The following ZNF691 variants were observed in gnomAD, a reference collection of about 807,000 sequenced individuals.
ZNF691 encodes zinc finger protein 691.
A neutral mutation model predicts 24.1 loss-of-function variants in ZNF691; 11 were observed. That is an observed-to-expected ratio of 0.46 (90% CI 0.29 to 0.75). The LOEUF (loss-of-function observed/expected upper bound fraction) is 0.75. Ranked by LOEUF, ZNF691 falls within the 30% of genes least tolerant of loss-of-function variation. The pLI is 0.11. For missense variants in ZNF691, 356 were observed against 409.0 expected, an observed-to-expected ratio of 0.87 and a Z score of 1.12; for synonymous variants, 149 against 153.9, an observed-to-expected ratio of 0.97 and a Z score of 0.23.
rs928794850 is a variant in ZNF691 at position 42,851,103 on chromosome 1, C to G, written c.238C>G (p.Leu80Val). ...TGGGCAAGAGAGCCTGTCGGATGAA[C>G]TGCAAGAAACTCATCCAAAAAAGCC... The part of the protein sequence containing the change: ...EHGQESLSDE[L>V]QETHPKKPWQ... Residue 80 changes from leucine to valine, a missense_variant, in exon 4 of 4, where the codon CTG becomes GTG. Physicochemically the swap from Leu to Val is conservative, Grantham distance 32 (BLOSUM62 1). Coordinates refer to ENST00000651192, the MANE Select transcript of ZNF691 (RefSeq NM_001242739.2). This position sits in a 1 kb window ranked among gnomAD's most constrained non-coding sequence, Gnocchi z 4.7. The G allele has an allele frequency of 6.2e-7, 1 of 1,612,848 alleles. No homozygotes were observed.
At position 42,849,678 on chromosome 1, in the gene ZNF691, C is replaced by A. The variant is rs1184026170; in HGVS notation, c.20C>A (p.Thr7Asn). MSLCSPTHSAEMSLFLQ... is the reference protein window; with the variant it reads MSLCSPNHSAEMSLFLQ... ...TTGTTCATGTCACTCTGTTCACCAA[C>A]CCACTCTGCTGAAATGTCGTTATTT... Residue 7 changes from threonine (T) to asparagine (N), a missense_variant, in exon 3 of 4, where the codon ACC becomes AAC. Coordinates refer to ENST00000651192, the MANE Select transcript of ZNF691 (RefSeq NM_001242739.2). 3 of 1,551,218 alleles carry A rather than the reference C, an allele frequency of 1.9e-6. No homozygotes were observed. The Admixed American group carries it at 5.9e-5, about 30-fold the overall frequency.
rs1236469675 is a variant in ZNF691, at chr1:42,850,697, TATC to T, written c.85-249_85-247del. 8.4e-6 allele frequency: 13 copies of T among 1,550,498 alleles called. No homozygotes were observed. In the East Asian group the frequency reaches 2.7e-4, roughly 32 times the overall value. On this transcript the variant is annotated intron_variant, in intron 3 of 3. Coordinates refer to ENST00000651192, the MANE Select transcript of ZNF691 (RefSeq NM_001242739.2). ...AGTGACATTATTCAAATGGCACAAA[TATC>T]ATCTGGTGGTGGTGGACAAAGCCGG... is the stretch of plus-strand genomic sequence containing the variant.
Position 42,851,132 on chromosome 1 carries a change from G to A in ZNF691, c.267G>A (p.Trp89Ter). ...ELQETHPKKP[W>*]QKVTVRAREL... ...AAGAAACTCATCCAAAAAAGCCATG[G>A]CAGAAAGTCACTGTCCGGGCTCGAG... is the stretch of plus-strand genomic sequence containing the variant. The change falls in exon 4 of 4, where the codon TGG becomes TGA. Residue 89 changes from tryptophan to a stop codon, truncating the protein, a stop_gained. Coordinates refer to ENST00000651192, the MANE Select transcript of ZNF691 (RefSeq NM_001242739.2). LOFTEE classifies it high-confidence loss of function. This position sits in a 1 kb window ranked among gnomAD's most constrained non-coding sequence, Gnocchi z 4.7. The A allele has an allele frequency of 1.2e-6, 2 of 1,614,048 alleles. No individual in the cohort carries two copies. Among genetic ancestry groups the A allele is most frequent in the Non-Finnish European group, 1.7e-6 (2 of 1,179,946 alleles).
intron 3 of ZNF691, 138 bp from the exon 4 acceptor site, chr1:42,850,812 G>A (rs1365758757): frequency 6.4e-7 from 1 of 1,551,124 alleles, no homozygotes; most frequent in East Asian, 2.4e-5. Flanking sequence ...TTCTATCCAA[G>A]TATTCCAGTT....
In ZNF691 at chr1:42,846,665, C is replaced by A. The variant is rs1395151113; in HGVS notation, c.-218+8C>A. 6.6e-6 allele frequency: 1 copy of A among 152,410 alleles called. No homozygotes were observed. The highest frequency in any genetic ancestry group is 1.5e-5 in the Non-Finnish European group (1 of 68,206). 9.4% of individuals were successfully genotyped at this position (152,410 alleles called of 1,614,324 possible). On this transcript the variant is annotated splice_region_variant and intron_variant, in intron 1 of 3. Transcript: ENST00000651192. ...TCGAGCGGCGGGAGCGAGGTGGGTC[C>A]GGGTTGGGCCCGAGGTCGCGGGGGG... is the stretch of plus-strand genomic sequence containing the variant.
At position 42,849,730 on chromosome 1, in the gene ZNF691, A is replaced by G; in HGVS notation, c.72A>G (p.Pro24=). Reference sequence around the variant, plus strand: ...TTCAAGGCCCGGAGGAAATGCTACCACTCTCATCAGAGGTACTTTTCCCCC... The same window carrying G: ...TTCAAGGCCCGGAGGAAATGCTACCGCTCTCATCAGAGGTACTTTTCCCCC... The part of the protein sequence containing the change: ...LFLQGPEEML[P]LSSEGSEMGS... The change falls in exon 3 of 4, where the codon CCA becomes CCG. Residue 24 remains proline (P), a synonymous_variant. Coordinates refer to ENST00000651192, the MANE Select transcript of ZNF691 (RefSeq NM_001242739.2). The G allele has an allele frequency of 6.4e-7, 1 of 1,550,800 alleles. No homozygotes were observed. The highest frequency in any genetic ancestry group is 8.7e-7 in the Non-Finnish European group (1 of 1,146,968).
At position 42,851,612 on chromosome 1, in the gene ZNF691, C is replaced by G; in HGVS notation, c.747C>G (p.His249Gln). 1 of 1,614,168 alleles carries G rather than the reference C, an allele frequency of 6.2e-7. No homozygotes were observed. Among genetic ancestry groups the G allele is most frequent in the Non-Finnish European group, 8.5e-7 (1 of 1,180,032 alleles). Reference sequence around the variant, plus strand: ...GCTTTGGCGTGCATCACCGCACCCACACAGGTGAGAGACCTTATGAGTGCA... The same window carrying G: ...GCTTTGGCGTGCATCACCGCACCCAGACAGGTGAGAGACCTTATGAGTGCA... ...SSSFGVHHRT[H>Q]TGERPYECTE... is the part of the protein sequence containing the mutation. Residue 249 changes from histidine to glutamine, a missense_variant, in exon 4 of 4, where the codon CAC (histidine) becomes CAG (glutamine). His to Gln is a conservative substitution (Grantham distance 24). Transcript: ENST00000651192. This position sits in a 1 kb window ranked among gnomAD's most constrained non-coding sequence, Gnocchi z 4.7.
rs757090838 is a variant in ZNF691, at chr1:42,851,605, G to A, written c.740G>A (p.Arg247His). Residue 247 changes from arginine to histidine, a missense_variant, in exon 4 of 4, where the codon CGC becomes CAC. Coordinates refer to ENST00000651192, the MANE Select transcript of ZNF691 (RefSeq NM_001242739.2). This position sits in a 1 kb window ranked among gnomAD's most constrained non-coding sequence, Gnocchi z 4.7. ...AGCTCCAGCTTTGGCGTGCATCACCGCACCCACACAGGTGAGAGACCTTAT... is the reference window on the plus strand; with the variant it reads ...AGCTCCAGCTTTGGCGTGCATCACCACACCCACACAGGTGAGAGACCTTAT... ...SNSSSFGVHH[R>H]THTGERPYEC... 9 of 1,614,036 alleles carry A rather than the reference G, an allele frequency of 5.6e-6. No homozygotes were observed. The highest frequency in any genetic ancestry group is 2.2e-5 in the East Asian group (1 of 44,872).
In ZNF691 at chr1:42,851,822, C is replaced by T. The variant is rs1244446417; in HGVS notation, c.*9C>T. The T allele has an allele frequency of 6.2e-7, 1 of 1,613,870 alleles. No individual in the cohort carries two copies. The highest frequency in any genetic ancestry group is 8.5e-7 in the Non-Finnish European group (1 of 1,179,922). ...GGAAAGATTCCAGCTGAAGGAGAGC[C>T]CCATTTAGAGTGAGGGAGAGAGAGT... On this transcript the variant is annotated 3_prime_UTR_variant, in exon 4 of 4. Transcript: ENST00000651192. The surrounding 1 kb of genome is among the most constrained non-coding windows in gnomAD (Gnocchi z 4.7).
At chr1:42,849,992 T>C (rs1044728485) in intron 3 of ZNF691, among the ~76,000 whole-genome samples, 2 of 152,030 alleles carry the variant, frequency 1.3e-5, no homozygotes, top group African/African-American at 4.8e-5. Context: ...GACATGTATG[T>C]AGCTATATAT....
intron 3 of ZNF691, chr1:42,850,749 T>C: frequency 1.3e-6 from 2 of 1,550,570 alleles, no homozygotes; most frequent in Non-Finnish European, 1.7e-6. Context: ...CTCTGGTGGG[T>C]AGCTTTAAAT....
chr1:42,849,739 A>G lies in ZNF691; in HGVS notation c.81A>G (p.Ser27=). ...CGGAGGAAATGCTACCACTCTCATC[A>G]GAGGTACTTTTCCCCCCAACTCTTT... ...QGPEEMLPLS[S]EGSEMGSEKE... Residue 27 remains serine, a synonymous_variant, in exon 3 of 4, where the codon TCA becomes TCG. Transcript: ENST00000651192. The G allele has an allele frequency of 3.9e-6, 6 of 1,550,966 alleles. No individual in the cohort carries two copies. The highest frequency in any genetic ancestry group is 4.4e-6 in the Non-Finnish European group (5 of 1,146,966).
At chr1:42,849,946 G>T (rs959218687) in intron 3 of ZNF691, among the ~76,000 whole-genome samples, 1 of 152,072 alleles carries the variant, frequency 6.6e-6, no homozygotes, top group Non-Finnish European at 1.5e-5. Flanking sequence ...GTATGTGAGT[G>T]TGTGTCTGTG....
chr1:42,848,814 T>A (rs2124386360), intron 1 of ZNF691, among the ~76,000 whole-genome samples: 1 of 152,264 alleles, frequency 6.6e-6, no homozygotes, highest in South Asian at 2.1e-4. Flanking sequence ...TGGGAGTGAT[T>A]TTAATTTTTT....
Position 42,851,096 on chromosome 1 carries a change from G to A in ZNF691, c.231G>A (p.Ser77=), listed in dbSNP as rs375297433. 56 of 1,612,382 alleles carry A rather than the reference G, an allele frequency of 3.5e-5. No individual in the cohort carries two copies. The highest frequency in any genetic ancestry group is 3.2e-4 in the African/African-American group (24 of 74,878). ...GEKEHGQESL[S]DELQETHPKK... ...AGGAGCATGGGCAAGAGAGCCTGTC[G>A]GATGAACTGCAAGAAACTCATCCAA... Residue 77 remains serine (S), a synonymous_variant, in exon 4 of 4, where the codon TCG becomes TCA. Coordinates refer to ENST00000651192, the MANE Select transcript of ZNF691 (RefSeq NM_001242739.2). This position sits in a 1 kb window ranked among gnomAD's most constrained non-coding sequence, Gnocchi z 4.7.
intron 3 of ZNF691, chr1:42,850,534 T>C (rs1288300582): frequency 4.3e-5 from 62 of 1,455,074 alleles, no homozygotes; most frequent in Non-Finnish European, 5.1e-5. Context: ...GGAAGGTTTT[T>C]CAAAAAGGAT....
At position 42,851,468 on chromosome 1, in the gene ZNF691, T is replaced by C. The variant is rs1655389233; in HGVS notation, c.603T>C (p.Cys201=). 2 of 1,614,094 alleles carry C rather than the reference T, an allele frequency of 1.2e-6. No individual in the cohort carries two copies. The highest frequency in any genetic ancestry group is 1.7e-5 in the Admixed American group (1 of 60,010). ...ACCTAGGCAAGCGGCCATACCGCTG[T>C]GACATCTGTGGCAAGAGCTTCAGCC... The part of the protein sequence containing the change: ...QDHLGKRPYR[C]DICGKSFSQS... Residue 201 remains cysteine (C), a synonymous_variant, in exon 4 of 4, where the codon TGT becomes TGC. Coordinates refer to ENST00000651192, the MANE Select transcript of ZNF691 (RefSeq NM_001242739.2). The surrounding 1 kb of genome is among the most constrained non-coding windows in gnomAD (Gnocchi z 4.7).
At position 42,851,006 on chromosome 1, in the gene ZNF691, A is replaced by C; in HGVS notation, c.141A>C (p.Glu47Asp). 6.5e-7 allele frequency: 1 copy of C among 1,546,124 alleles called. No homozygotes were observed. Among genetic ancestry groups the C allele is most frequent in the Middle Eastern group, 1.8e-4 (1 of 5,692 alleles). Residue 47 changes from glutamate to aspartate, a missense_variant, in exon 4 of 4, where the codon GAA becomes GAC. Transcript: ENST00000651192. The surrounding 1 kb of genome is among the most constrained non-coding windows in gnomAD (Gnocchi z 4.7). ...GTCCAGAACCACACCTGCCTGAGGAAGGGGAAGGGGGTAAGCCTTGGAGAG... is the reference window on the plus strand; with the variant it reads ...GTCCAGAACCACACCTGCCTGAGGACGGGGAAGGGGGTAAGCCTTGGAGAG... The part of the protein sequence containing the change: ...EQSPEPHLPE[E>D]GEGGKPWRVD...
chr1:42,852,439 T>C lies in ZNF691; in HGVS notation c.*626T>C, dbSNP rs375893237. On this transcript the variant is annotated 3_prime_UTR_variant, in exon 4 of 4. Transcript: ENST00000651192. Reference sequence around the variant, plus strand: ...ATCCCTCCCCCAACCTGCCTCTGTTTTCCCCAGAGTGATTAGCAGTAAAAC... The same window carrying C: ...ATCCCTCCCCCAACCTGCCTCTGTTCTCCCCAGAGTGATTAGCAGTAAAAC... 2.8e-5 allele frequency: 5 copies of C among 180,950 alleles called. No homozygotes were observed. In the East Asian group the frequency reaches 8.5e-4, roughly 31 times the overall value. 11.2% of individuals were successfully genotyped at this position (180,950 alleles called of 1,614,324 possible). A position where few individuals can be genotyped will look rare whatever the true frequency, so the allele number is the denominator to read the frequency against.
Sources: allele counts gnomAD v4.1 joint callset (sites outside exome capture counted in the v4.1 genomes callset), GRCh38; gene constraint gnomAD v4.1.1; non-coding constraint Gnocchi (gnomAD v3.1); transcripts MANE v1.5; gene names NCBI Gene and HGNC (gene_info 2026-07-23, HGNC 2026-07-21).